TRPM7: variants seen among roughly 807,000 people sequenced by gnomAD.
The protein encoded by TRPM7 is transient receptor potential cation channel subfamily M member 7.
Under a neutral mutation model 229.7 loss-of-function variants are expected in TRPM7, and 134 were observed. The observed-to-expected ratio is 0.58, with a 90% CI of 0.51 to 0.67. The LOEUF (loss-of-function observed/expected upper bound fraction) is 0.67. Among genes scored for constraint, TRPM7 ranks in the 30% least tolerant of loss-of-function variants. TRPM7 has a pLI of 0.00. For synonymous variants in TRPM7, 699 were observed against 715.2 expected, an observed-to-expected ratio of 0.98 and a Z score of 0.36; for missense variants, 1,901 against 2,210.0, an observed-to-expected ratio of 0.86 and a Z score of 2.80.
Position 50,594,597 on chromosome 15 carries a change from C to A in TRPM7, c.3307G>T (p.Val1103Leu). Residue 1103 changes from valine to leucine, a missense_variant, in exon 24 of 39, where the codon GTG (valine) becomes TTG (leucine). By Grantham distance (32) the Val-to-Leu change is conservative (BLOSUM62 1). This residue lies in a region of TRPM7 where 89 missense variants were observed against 178.2 expected (regional missense o/e 0.50). Transcript: ENST00000646667. ...CATACAATATTGGAAATTGCCTTCA[C>A]TTGTAAATACACATTGCTAGAGAAA... ...IAFFNNVYLQVKAISNIVWKY... is the reference protein window; with the variant it reads ...IAFFNNVYLQLKAISNIVWKY... 6.3e-7 allele frequency: 1 copy of A among 1,595,116 alleles called. No individual in the cohort carries two copies. Among genetic ancestry groups the A allele is most frequent in the Non-Finnish European group, 8.5e-7 (1 of 1,172,272 alleles).
intron 13 of TRPM7, among the ~76,000 whole-genome samples, chr15:50,618,519 A>G (rs551672464): frequency 2.6e-5 from 4 of 152,056 alleles, no homozygotes; most frequent in Admixed American, 2.0e-4. Context: ...GCAGTGAGCC[A>G]AGATCACGCC....
chr15:50,647,006 C>G (rs1298370188), intron 4 of TRPM7, among the ~76,000 whole-genome samples: 1 of 152,364 alleles, frequency 6.6e-6, no homozygotes, highest in Non-Finnish European at 1.5e-5. Flanking sequence ...TCTGAATACA[C>G]TCTACGGTGT....
intron 13 of TRPM7, among the ~76,000 whole-genome samples, chr15:50,615,125 C>T (rs1164738462): frequency 5.7e-5 from 8 of 140,198 alleles, no homozygotes; most frequent in African/African-American, 8.0e-5. Flanking sequence ...ATAGTGCCAC[C>T]GCATTCCAGC....
intron 23 of TRPM7, among the ~76,000 whole-genome samples, chr15:50,595,184 C>A (rs1299370941): frequency 6.6e-6 from 1 of 151,858 alleles, no homozygotes; most frequent in African/African-American, 2.4e-5. Flanking sequence ...GCCTGGGCAA[C>A]AGGCTGTCTC....
At chr15:50,629,472 C>T (rs2038281805) in intron 10 of TRPM7, among the ~76,000 whole-genome samples, 1 of 149,422 alleles carries the variant, frequency 6.7e-6, no homozygotes, top group South Asian at 2.1e-4. Context: ...AGGGTTTTGC[C>T]AAATTGCCCA....
chr15:50,631,411 G>A lies in TRPM7; in HGVS notation c.1204+6C>T. 1 of 1,593,692 alleles carries A rather than the reference G, an allele frequency of 6.3e-7. No individual in the cohort carries two copies. The highest frequency in any genetic ancestry group is 8.6e-7 in the Non-Finnish European group (1 of 1,165,986). ...CTTACAAATAAAAAAGTTCTTAGAG[G>A]CTTACCTTTTAGCAGTGCAGTAAGT... On this transcript the variant is annotated splice_donor_region_variant and intron_variant, in intron 10 of 38. Coordinates refer to ENST00000646667, the MANE Select transcript of TRPM7 (RefSeq NM_017672.6).
chr15:50,628,766 T>C (rs938387905), intron 10 of TRPM7, among the ~76,000 whole-genome samples: 3 of 152,202 alleles, frequency 2.0e-5, no homozygotes, highest in Non-Finnish European at 4.4e-5. Flanking sequence ...TGCAAACATT[T>C]AGAAATGCAG....
chr15:50,575,023 T>G lies in TRPM7; in HGVS notation c.4848A>C (p.Lys1616Asn), dbSNP rs2054066164. ...GLCAKIEFLS[K>N]EEMGGGLRRA... ...TTCGTAAACCTCCTCCCATCTCCTCTTTGCTTAAAAACTCTATTTTGGCAC... is the reference window on the plus strand; with the variant it reads ...TTCGTAAACCTCCTCCCATCTCCTCGTTGCTTAAAAACTCTATTTTGGCAC... The change falls in exon 34 of 39, where the codon AAA becomes AAC. Residue 1616 changes from lysine (K) to asparagine (N), a missense_variant. Coordinates refer to ENST00000646667, the MANE Select transcript of TRPM7 (RefSeq NM_017672.6). 2 of 1,614,010 alleles carry G rather than the reference T, an allele frequency of 1.2e-6. No individual in the cohort carries two copies. The highest frequency in any genetic ancestry group is 1.7e-5 in the Admixed American group (1 of 59,996).
chr15:50,640,453 C>CTT (rs71124399), intron 5 of TRPM7, among the ~76,000 whole-genome samples: 3,374 of 131,344 alleles, frequency 0.026, 187 homozygotes, highest in African/African-American at 0.095. Context: ...ATTTTTTTTT[C>CTT]TTTTTTTTTT....
At chr15:50,667,846 T>G (rs965712717) in intron 1 of TRPM7, among the ~76,000 whole-genome samples, 3 of 152,224 alleles carry the variant, frequency 2.0e-5, no homozygotes, top group African/African-American at 7.2e-5. Flanking sequence ...GACATAAAAA[T>G]CATACAGGAA....
chr15:50,674,862 T>A (rs2062060591), intron 1 of TRPM7, among the ~76,000 whole-genome samples: 1 of 152,200 alleles, frequency 6.6e-6, no homozygotes, highest in African/African-American at 2.4e-5. Context: ...TCATCCCCTC[T>A]ACTACATCCC....
chr15:50,570,086 A>G lies in TRPM7; in HGVS notation c.5360+18T>C. 3 of 1,603,144 alleles carry G rather than the reference A, an allele frequency of 1.9e-6. No individual in the cohort carries two copies. The highest frequency in any genetic ancestry group is 1.7e-6 in the Non-Finnish European group (2 of 1,175,944). On this transcript the variant is annotated intron_variant, in intron 37 of 38. Coordinates refer to ENST00000646667, the MANE Select transcript of TRPM7 (RefSeq NM_017672.6). The stretch of plus-strand genomic sequence containing the variant: ...AAATGTGAAATTATGCCTTAATGAA[A>G]TAGTTAAAACTTATTACCTCTTTTC...
chr15:50,636,347 C>G (rs969487605), intron 7 of TRPM7, among the ~76,000 whole-genome samples: 4 of 151,986 alleles, frequency 2.6e-5, no homozygotes, highest in Admixed American at 2.6e-4. Context: ...CACGCCACCA[C>G]GCTCGGCTAA....
intron 9 of TRPM7, among the ~76,000 whole-genome samples, chr15:50,632,561 A>G (rs1049772832): frequency 2.0e-5 from 3 of 152,160 alleles, no homozygotes; most frequent in Admixed American, 6.5e-5. Flanking sequence ...TAGAGAAACC[A>G]TTAACAACTC....
At chr15:50,613,935 T>C (rs1455136141) in intron 14 of TRPM7, 94 bp from the exon 15 acceptor site, 58 of 1,435,404 alleles carry the variant, frequency 4.0e-5, no homozygotes, top group Non-Finnish European at 4.7e-5. Context: ...GCAAATGTGT[T>C]TGTGTACACA....
At chr15:50,609,539 T>TA in intron 19 of TRPM7, 42 bp downstream of exon 19, 1 of 1,563,304 alleles carries the variant, frequency 6.4e-7, no homozygotes, top group South Asian at 1.2e-5. Context: ...CCCCAAAGCC[T>TA]AACTCTTAAA....
chr15:50,594,211 A>G (rs1384192049), intron 24 of TRPM7, among the ~76,000 whole-genome samples: 1 of 152,206 alleles, frequency 6.6e-6, no homozygotes, highest in East Asian at 1.9e-4. Context: ...TTTTAACAGA[A>G]ACAGAGACGC....
chr15:50,638,915 C>T (rs1274816425), intron 6 of TRPM7, among the ~76,000 whole-genome samples: 1 of 151,992 alleles, frequency 6.6e-6, no homozygotes, highest in Non-Finnish European at 1.5e-5. Flanking sequence ...TCCTGATCTC[C>T]AGTGATCAGC....
At chr15:50,650,506 C>T (rs999469407) in intron 3 of TRPM7, among the ~76,000 whole-genome samples, 3 of 151,906 alleles carry the variant, frequency 2.0e-5, no homozygotes, top group Non-Finnish European at 2.9e-5. Context: ...ACCAGCCTGA[C>T]CAATATGGTG....
Sources: allele counts gnomAD v4.1 joint callset (sites outside exome capture counted in the v4.1 genomes callset), GRCh38; gene constraint gnomAD v4.1.1; regional missense constraint gnomAD v4.1.1; transcripts MANE v1.5; gene names NCBI Gene and HGNC (gene_info 2026-07-23, HGNC 2026-07-21).